The following ITFG1 variants were observed in gnomAD, a reference collection of about 807,000 sequenced individuals.
ITFG1 encodes the protein T-cell immunomodulatory protein.
ITFG1 carries 34 observed loss-of-function variants against 81.8 expected under a neutral mutation model. The observed-to-expected ratio is 0.42, with a 90% CI of 0.32 to 0.55. The LOEUF (loss-of-function observed/expected upper bound fraction) is 0.55, where lower values mean the gene tolerates loss of function less well. Among genes scored for constraint, ITFG1 ranks in the 20% least tolerant of loss-of-function variants. The pLI is 0.17. For synonymous variants in ITFG1, 285 were observed against 270.6 expected (o/e 1.05, Z -0.52); for missense variants, 672 against 755.4 (o/e 0.89, Z 1.29).
chr16:47,442,706 A>C (rs1230814077), intron 5 of ITFG1, among the ~76,000 whole-genome samples: 1 of 152,218 alleles, frequency 6.6e-6, no homozygotes, highest in African/African-American at 2.4e-5. Context: ...ATATGGAGAA[A>C]GCTGAAACTG....
chr16:47,324,748 T>A (rs1390219497), intron 8 of ITFG1, among the ~76,000 whole-genome samples: 2 of 152,170 alleles, frequency 1.3e-5, no homozygotes, highest in Non-Finnish European at 2.9e-5. Flanking sequence ...GGCCACTACA[T>A]AATGGTAAAG....
chr16:47,210,627 T>C (rs1452532669), intron 14 of ITFG1, among the ~76,000 whole-genome samples: 1 of 152,224 alleles, frequency 6.6e-6, no homozygotes, highest in Non-Finnish European at 1.5e-5. Context: ...CTCATGATTC[T>C]TGTTAGAAGA....
At chr16:47,169,074 A>G (rs911554511) in intron 14 of ITFG1, among the ~76,000 whole-genome samples, 8 of 152,050 alleles carry the variant, frequency 5.3e-5, no homozygotes, top group African/African-American at 1.7e-4. Context: ...ATTCTATTCC[A>G]TTGGTTTATA....
intron 14 of ITFG1, among the ~76,000 whole-genome samples, chr16:47,177,274 T>C (rs1965041008): frequency 6.6e-6 from 1 of 152,186 alleles, no homozygotes; most frequent in Non-Finnish European, 1.5e-5. Flanking sequence ...CAGGCTGATA[T>C]ATCTATTAAA....
intron 6 of ITFG1, among the ~76,000 whole-genome samples, chr16:47,385,041 G>A (rs190356195): frequency 5.9e-5 from 9 of 152,172 alleles, no homozygotes; most frequent in African/African-American, 2.2e-4. Context: ...CTCTCTTGTT[G>A]GACGAATTTG....
intron 8 of ITFG1, among the ~76,000 whole-genome samples, chr16:47,342,423 A>T (rs1477909803): frequency 6.6e-6 from 1 of 152,128 alleles, no homozygotes; most frequent in Non-Finnish European, 1.5e-5. Flanking sequence ...AAAACTAAAA[A>T]CATTCCCCCT....
intron 8 of ITFG1, among the ~76,000 whole-genome samples, chr16:47,330,700 G>A (rs1265893836): frequency 6.6e-6 from 1 of 152,072 alleles, no homozygotes; most frequent in Non-Finnish European, 1.5e-5. Context: ...AGACATACGA[G>A]CAGCCGACAA....
chr16:47,159,122 T>C (rs745763889), intron 16 of ITFG1, 132 bp from the exon 17 acceptor site: 79 of 430,848 alleles, frequency 1.8e-4, no homozygotes, highest in Non-Finnish European at 3.2e-4. Context: ...CATTCATCAG[T>C]CCATTCATTA....
chr16:47,459,311 C>A, intron 1 of ITFG1, 136 bp from the exon 2 acceptor site: 1 of 626,232 alleles, frequency 1.6e-6, no homozygotes, highest in Admixed American at 2.6e-5. Context: ...CCCTCTCAAG[C>A]ATAGTCCCAC....
chr16:47,183,444 G>C (rs1000050951), intron 14 of ITFG1, among the ~76,000 whole-genome samples: 3 of 152,208 alleles, frequency 2.0e-5, no homozygotes, highest in Non-Finnish European at 4.4e-5. Context: ...AGAACGGGCA[G>C]ACTGCCTCCT....
At chr16:47,165,486 G>C (rs1451091108) in intron 14 of ITFG1, among the ~76,000 whole-genome samples, 1 of 152,258 alleles carries the variant, frequency 6.6e-6, no homozygotes, top group African/African-American at 2.4e-5. Context: ...TTTAAAAGTA[G>C]AGTATCTCAC....
chr16:47,240,187 C>T (rs1448058130), intron 12 of ITFG1, among the ~76,000 whole-genome samples: 1 of 148,762 alleles, frequency 6.7e-6, no homozygotes, highest in African/African-American at 2.5e-5. Context: ...GTCTCAGCTA[C>T]TCAGGAGGCT....
chr16:47,191,896 C>T (rs1363363837), intron 14 of ITFG1, among the ~76,000 whole-genome samples: 3 of 152,146 alleles, frequency 2.0e-5, no homozygotes, highest in Admixed American at 6.5e-5. Flanking sequence ...ACTACAGCCT[C>T]GATATCCTGG....
intron 4 of ITFG1, among the ~76,000 whole-genome samples, chr16:47,452,083 C>T (rs905787489): frequency 2.6e-5 from 4 of 152,062 alleles, no homozygotes; most frequent in Non-Finnish European, 4.4e-5. Context: ...AGCGGGGCAC[C>T]GTTAAGAAGA....
chr16:47,376,032 T>C (rs553548727), intron 6 of ITFG1, 92 bp from the exon 7 acceptor site: 2 of 671,948 alleles, frequency 3.0e-6, no homozygotes, highest in East Asian at 2.8e-5. Flanking sequence ...ATTAAAAGAA[T>C]TGACACAATT....
chr16:47,455,504 T>C (rs1218662972), intron 2 of ITFG1, among the ~76,000 whole-genome samples: 3 of 151,902 alleles, frequency 2.0e-5, no homozygotes. Flanking sequence ...GGTTCACGCC[T>C]GTAATCCCAG....
chr16:47,394,468 T>G (rs1179799094), intron 6 of ITFG1, among the ~76,000 whole-genome samples: 3 of 152,128 alleles, frequency 2.0e-5, no homozygotes, highest in African/African-American at 7.2e-5. Flanking sequence ...GAAACAAAAT[T>G]CTATTTATCT....
intron 17 of ITFG1, 47 bp from the exon 18 acceptor site, chr16:47,155,825 T>C (rs1964695473): frequency 6.6e-6 from 9 of 1,363,594 alleles, no homozygotes; most frequent in Non-Finnish European, 9.3e-6. Flanking sequence ...AAAGATGTTA[T>C]GAAAAGACTC....
intron 14 of ITFG1, among the ~76,000 whole-genome samples, chr16:47,182,386 C>CA (rs34527674): frequency 0.21 from 27,753 of 133,496 alleles, 3,177 homozygotes; most frequent in African/African-American, 0.35. Context: ...AGGTGGCTCT[C>CA]AAAAAAAAAA....
Sources: gnomAD v4.1 joint callset for allele counts (sites outside exome capture counted in the v4.1 genomes callset) on GRCh38, gnomAD v4.1.1 for gene constraint, MANE v1.5 for transcripts, NCBI Gene and HGNC (gene_info 2026-07-23, HGNC 2026-07-21) for gene names.